HECW2: variants seen among roughly 807,000 people sequenced by gnomAD.
HECW2 encodes HECT, C2 and WW domain containing E3 ubiquitin protein ligase 2.
A neutral mutation model predicts 175.2 loss-of-function variants in HECW2; 61 were observed. That is an observed-to-expected ratio of 0.35 (90% CI 0.28 to 0.43). The LOEUF is 0.43. HECW2 is among the 20% of genes least tolerant of loss of function. HECW2 has a pLI of 1.00. For synonymous variants in HECW2, 671 were observed against 731.0 expected, an observed-to-expected ratio of 0.92 and a Z score of 1.32; for missense variants, 1,524 against 2,000.5, an observed-to-expected ratio of 0.76 and a Z score of 4.54.
chr2:196,408,272 A>G (rs889678902), intron 2 of HECW2, among the ~76,000 whole-genome samples: 2 of 152,214 alleles, frequency 1.3e-5, no homozygotes, highest in Non-Finnish European at 2.9e-5. Flanking sequence ...GGTATAATGG[A>G]AAAACATTGA....
chr2:196,448,354 C>G (rs1696246490), intron 1 of HECW2, among the ~76,000 whole-genome samples: 1 of 152,178 alleles, frequency 6.6e-6, no homozygotes, highest in Non-Finnish European at 1.5e-5. Context: ...GATTTGACTT[C>G]CAGACAGGCA....
chr2:196,342,625 T>C (rs190424193), intron 3 of HECW2, among the ~76,000 whole-genome samples: 1 of 152,270 alleles, frequency 6.6e-6, no homozygotes, highest in Admixed American at 6.5e-5. Context: ...AGGCACTATA[T>C]ATGAGCATTT....
chr2:196,239,525 T>G (rs1026996320), intron 21 of HECW2: 1 of 152,232 alleles, frequency 6.6e-6, no homozygotes, highest in Non-Finnish European at 1.5e-5. Context: ...ATTTGTTCAA[T>G]ATCACTAATA....
intron 1 of HECW2, among the ~76,000 whole-genome samples, chr2:196,518,748 C>T (rs1482332054): frequency 6.6e-6 from 1 of 151,830 alleles, no homozygotes; most frequent in Non-Finnish European, 1.5e-5. Flanking sequence ...CCTACCGTCC[C>T]TCAATAATTT....
intron 1 of HECW2, among the ~76,000 whole-genome samples, chr2:196,524,731 T>G (rs572472913): frequency 8.2e-6 from 1 of 122,386 alleles, no homozygotes. Context: ...CATTTTGTTA[T>G]GTACCCCGTA....
In HECW2 at chr2:196,396,881, G is replaced by A. The variant is rs547757587; in HGVS notation, c.292+36251C>T. 2.2e-4 allele frequency among the ~76,000 whole-genome samples: 34 copies of A among 152,222 alleles called. 1 individual carries two copies. Among genetic ancestry groups the A allele is most frequent in the African/African-American group, 7.9e-4 (33 of 41,544 alleles). On this transcript the variant is annotated intron_variant, in intron 2 of 28. Coordinates refer to ENST00000644978, the MANE Select transcript of HECW2 (RefSeq NM_001348768.2). ...AATCCCAGCACTCTGGGAGGCCGAG[G>A]CGGACGGATCACGAGGTCAGGAGAT...
intron 1 of HECW2, among the ~76,000 whole-genome samples, chr2:196,569,993 T>C (rs909875636): frequency 6.6e-6 from 1 of 152,220 alleles, no homozygotes; most frequent in African/African-American, 2.4e-5. Flanking sequence ...CACCTGTGAA[T>C]AGCCAACGCA....
chr2:196,312,634 A>G (rs537498522), intron 10 of HECW2, among the ~76,000 whole-genome samples: 2 of 152,290 alleles, frequency 1.3e-5, no homozygotes, highest in South Asian at 4.1e-4. Flanking sequence ...GACTTCTAGA[A>G]TGCTGATGGC....
intron 10 of HECW2, among the ~76,000 whole-genome samples, chr2:196,309,740 A>T (rs1691413664): frequency 6.6e-6 from 1 of 152,178 alleles, no homozygotes; most frequent in Non-Finnish European, 1.5e-5. Flanking sequence ...TCCCAATTTT[A>T]AAAATGTAGA....
chr2:196,324,952 A>G, intron 6 of HECW2, 28 bp downstream of exon 6: 2 of 1,525,128 alleles, frequency 1.3e-6, no homozygotes, highest in Non-Finnish European at 1.8e-6. Flanking sequence ...CTCACCATCA[A>G]GTAGGAGACC....
chr2:196,340,009 C>T (rs1043197770), intron 3 of HECW2, among the ~76,000 whole-genome samples: 4 of 152,170 alleles, frequency 2.6e-5, no homozygotes, highest in South Asian at 4.1e-4. Context: ...AAATAGCCTA[C>T]GTAGTGCTCA....
intron 2 of HECW2, 108 bp downstream of exon 2, chr2:196,433,024 A>C: frequency 1.1e-6 from 1 of 938,756 alleles, no homozygotes; most frequent in Non-Finnish European, 1.6e-6. Context: ...TGCTATGTGT[A>C]TATGTGCATG....
At chr2:196,527,362 C>T (rs1348095180) in intron 1 of HECW2, among the ~76,000 whole-genome samples, 1 of 152,252 alleles carries the variant, frequency 6.6e-6, no homozygotes, top group Non-Finnish European at 1.5e-5. Context: ...CACCCACTGG[C>T]CTGCGCCCAC....
intron 4 of HECW2, among the ~76,000 whole-genome samples, chr2:196,331,660 T>C (rs1260560134): frequency 1.3e-5 from 2 of 152,238 alleles, no homozygotes; most frequent in Non-Finnish European, 2.9e-5. Flanking sequence ...ATTTTTCAAA[T>C]GTAATTCACC....
chr2:196,364,200 G>C (rs1463772463), intron 2 of HECW2, among the ~76,000 whole-genome samples: 1 of 152,096 alleles, frequency 6.6e-6, no homozygotes, highest in East Asian at 1.9e-4. Context: ...CTTTACCTGC[G>C]CTCTAGGTTC....
chr2:196,447,967 G>C (rs558473821), intron 1 of HECW2, among the ~76,000 whole-genome samples: 2 of 152,308 alleles, frequency 1.3e-5, no homozygotes, highest in African/African-American at 4.8e-5. Context: ...GCTGAGACAG[G>C]AGAATCACTT....
At chr2:196,412,790 A>C (rs1277616921) in intron 2 of HECW2, among the ~76,000 whole-genome samples, 1 of 152,252 alleles carries the variant, frequency 6.6e-6, no homozygotes, top group Non-Finnish European at 1.5e-5. Flanking sequence ...ATAGAAAGTA[A>C]ATTTAAAACT....
intron 1 of HECW2, among the ~76,000 whole-genome samples, chr2:196,549,460 CT>C (rs370114651): frequency 1.3e-5 from 2 of 151,912 alleles, no homozygotes; most frequent in African/African-American, 4.8e-5. Context: ...TATTTAGAGT[CT>C]TTTTTTTACT....
chr2:196,539,101 G>A (rs928091606), intron 1 of HECW2, among the ~76,000 whole-genome samples: 5 of 152,168 alleles, frequency 3.3e-5, no homozygotes, highest in Non-Finnish European at 7.4e-5. Flanking sequence ...GTGCCCTGGA[G>A]TCTTAAGCCG....
Sources: gnomAD v4.1 joint callset for allele counts (sites outside exome capture counted in the v4.1 genomes callset) on GRCh38, gnomAD v4.1.1 for gene constraint, MANE v1.5 for transcripts, NCBI Gene and HGNC (gene_info 2026-07-23, HGNC 2026-07-21) for gene names.